PPP2R2B: variants seen among roughly 807,000 people sequenced by gnomAD.
The protein encoded by PPP2R2B is protein phosphatase 2 regulatory subunit Bbeta, also known as serine/threonine-protein phosphatase 2A 55 kDa regulatory subunit B beta isoform.
Under a neutral mutation model 46.0 loss-of-function variants are expected in PPP2R2B, and 5 were observed. That is an observed-to-expected ratio of 0.11 (90% CI 0.06 to 0.23). The LOEUF (loss-of-function observed/expected upper bound fraction) is 0.23. PPP2R2B is among the 10% of genes least tolerant of loss of function. The pLI, the probability that PPP2R2B is intolerant of heterozygous loss-of-function variation, is 1.00. For synonymous variants in PPP2R2B, 215 were observed against 206.7 expected, an observed-to-expected ratio of 1.04 and a Z score of -0.34; for missense variants, 367 against 575.0, an observed-to-expected ratio of 0.64 and a Z score of 3.70.
At chr5:146,698,812 C>A (rs1031381822) in intron 3 of PPP2R2B, among the ~76,000 whole-genome samples, 2 of 151,456 alleles carry the variant, frequency 1.3e-5, no homozygotes, top group African/African-American at 4.9e-5. Flanking sequence ...ATGCTACCTG[C>A]ATCATTAAGG....
intron 2 of PPP2R2B, among the ~76,000 whole-genome samples, chr5:146,785,882 T>C (rs1019540912): frequency 6.6e-6 from 1 of 151,960 alleles, no homozygotes; most frequent in Non-Finnish European, 1.5e-5. Context: ...GGGAAGGGCA[T>C]AGGGGAGGGG....
chr5:146,734,598 C>T (rs564336852), intron 2 of PPP2R2B, among the ~76,000 whole-genome samples: 3 of 152,266 alleles, frequency 2.0e-5, no homozygotes, highest in African/African-American at 7.2e-5. Context: ...TATTACCCCT[C>T]ATCCTGGCCA....
chr5:146,600,922 C>G (rs1771720776), intron 7 of PPP2R2B, among the ~76,000 whole-genome samples: 1 of 152,160 alleles, frequency 6.6e-6, no homozygotes, highest in Non-Finnish European at 1.5e-5. Flanking sequence ...TACCTCCCCC[C>G]AAAAACTCCA....
At chr5:147,053,501 T>C (rs924372186) in intron 1 of PPP2R2B, among the ~76,000 whole-genome samples, 4 of 151,672 alleles carry the variant, frequency 2.6e-5, no homozygotes, top group African/African-American at 9.7e-5. Flanking sequence ...GCCATATTTT[T>C]TTTCTAGCAC....
intron 5 of PPP2R2B, among the ~76,000 whole-genome samples, chr5:146,669,112 G>A (rs1777183997): frequency 6.6e-6 from 1 of 152,156 alleles, no homozygotes; most frequent in Non-Finnish European, 1.5e-5. Flanking sequence ...CACTGTAGTT[G>A]AACATCAAAT....
chr5:147,002,375 A>G (rs1033726679), intron 1 of PPP2R2B, among the ~76,000 whole-genome samples: 1 of 152,140 alleles, frequency 6.6e-6, no homozygotes, highest in Non-Finnish European at 1.5e-5. Flanking sequence ...ATAAGTGAGG[A>G]CAAAAGGCAT....
intron 2 of PPP2R2B, among the ~76,000 whole-genome samples, chr5:146,710,577 A>G (rs1159502247): frequency 6.6e-6 from 1 of 152,264 alleles, no homozygotes; most frequent in Admixed American, 6.5e-5. Context: ...AATTGATAGC[A>G]GTCCAGACTT....
intron 1 of PPP2R2B, among the ~76,000 whole-genome samples, chr5:146,964,967 A>G (rs1347009502): frequency 3.9e-5 from 6 of 152,164 alleles, no homozygotes; most frequent in Admixed American, 2.0e-4. Context: ...AATGAAGATA[A>G]TATACCATTT....
At chr5:146,670,670 A>G (rs1777294316) in intron 5 of PPP2R2B, among the ~76,000 whole-genome samples, 1 of 151,788 alleles carries the variant, frequency 6.6e-6, no homozygotes, top group Non-Finnish European at 1.5e-5. Flanking sequence ...TAATTTTTAT[A>G]TTTTTAGTGG....
chr5:146,859,959 A>G (rs1311597999), intron 2 of PPP2R2B, among the ~76,000 whole-genome samples: 3 of 152,218 alleles, frequency 2.0e-5, no homozygotes, highest in African/African-American at 7.2e-5. Context: ...TGAAGAAAAT[A>G]TGGTATTTAG....
At chr5:147,045,446 G>T (rs925758377) in intron 1 of PPP2R2B, among the ~76,000 whole-genome samples, 14 of 152,112 alleles carry the variant, frequency 9.2e-5, no homozygotes, top group African/African-American at 3.4e-4. Flanking sequence ...CATATAGCCT[G>T]GGTATGTAGT....
At chr5:147,055,142 C>G (rs906936895) in intron 1 of PPP2R2B, among the ~76,000 whole-genome samples, 4 of 152,186 alleles carry the variant, frequency 2.6e-5, no homozygotes, top group African/African-American at 4.8e-5. Context: ...TGCTGAAAGT[C>G]AGCTGTGTTC....
intron 2 of PPP2R2B, among the ~76,000 whole-genome samples, chr5:146,828,821 C>T (rs1758742355): frequency 6.6e-6 from 1 of 152,124 alleles, no homozygotes; most frequent in South Asian, 2.1e-4. Context: ...GTTCAAATAA[C>T]TCCTTACACA....
In PPP2R2B at chr5:146,615,053, G is replaced by A. The variant is rs1261929126; in HGVS notation, c.791-14593C>T. ...TGCTGCTATAAAGACACATGCACAC[G>A]TATGTTTATTGCGGCACTATTCACA... On this transcript the variant is annotated intron_variant, in intron 7 of 9. Coordinates refer to ENST00000394411, the MANE Select transcript of PPP2R2B (RefSeq NM_181675.4). Among the ~76,000 whole-genome samples, 4 of 91,218 alleles carry A rather than the reference G, an allele frequency of 4.4e-5. No individual in the cohort carries two copies. The Admixed American group carries it at 4.9e-4, about 11-fold the overall frequency. The allele number at this position is 91,218 out of a possible 152,430, so 59.8% of individuals were successfully genotyped here.
chr5:146,704,046 C>A (rs560787096), intron 2 of PPP2R2B, among the ~76,000 whole-genome samples: 4 of 152,272 alleles, frequency 2.6e-5, no homozygotes, highest in African/African-American at 9.6e-5. Context: ...CAAGTTAATA[C>A]TTGTTTTGAA....
chr5:147,056,938 A>T (rs149586822), upstream of PPP2R2B, among the ~76,000 whole-genome samples: 2,348 of 152,346 alleles, frequency 0.015, 40 homozygotes, highest in Middle Eastern at 0.024. Flanking sequence ...ATTCAGAGGC[A>T]CAAGGAAATG....
intron 2 of PPP2R2B, among the ~76,000 whole-genome samples, chr5:146,826,862 A>T (rs1758612268): frequency 1.3e-5 from 2 of 152,142 alleles, no homozygotes; most frequent in Non-Finnish European, 2.9e-5. Context: ...TACATCTGTC[A>T]ACAAATCATC....
intron 6 of PPP2R2B, 25 bp from the exon 7 acceptor site, chr5:146,638,440 A>C (rs200519564): frequency 3.8e-6 from 6 of 1,559,734 alleles, no homozygotes; most frequent in Non-Finnish European, 5.3e-6. Flanking sequence ...TCAAGGAAGG[A>C]ACCAGGAGAA....
chr5:147,051,753 C>CT (rs60522229), intron 1 of PPP2R2B, among the ~76,000 whole-genome samples: 4,760 of 92,364 alleles, frequency 0.052, 1,078 homozygotes, highest in African/African-American at 0.12. Flanking sequence ...GTTTTGCTTC[C>CT]TTTTTTTTTT....
Sources: gnomAD v4.1 joint callset for allele counts (sites outside exome capture counted in the v4.1 genomes callset) on GRCh38, gnomAD v4.1.1 for gene constraint, MANE v1.5 for transcripts, NCBI Gene and HGNC (gene_info 2026-07-23, HGNC 2026-07-21) for gene names.